Variants in ZNF521 observed in about 807,000 individuals in gnomAD.
ZNF521 encodes the protein zinc finger protein 521.
In ZNF521, 14 loss-of-function variants were observed where a neutral mutation model predicts 105.5. The observed-to-expected ratio is 0.13, with a 90% CI of 0.09 to 0.21. The LOEUF (loss-of-function observed/expected upper bound fraction) is 0.21. Ranked by LOEUF, ZNF521 falls within the 10% of genes least tolerant of loss-of-function variation. The pLI is 1.00. For missense variants in ZNF521, 1,233 were observed against 1,629.7 expected (o/e 0.76, Z 4.19); for synonymous variants, 635 against 606.0 (o/e 1.05, Z -0.70).
rs1905357726 is a variant in ZNF521, at chr18:25,216,846, A to T, written c.3573+7499T>A. Among the ~76,000 whole-genome samples the T allele has an allele frequency of 3.3e-5, 5 of 152,160 alleles. No homozygotes were observed. The South Asian group carries it at 1.0e-3, about 32-fold the overall frequency. ...GCTGGGATTATAGGCATGAGGCATC[A>T]TGCCCGGCCGAGTGAACAAATAATG... On this transcript the variant is annotated intron_variant, in intron 4 of 7. Transcript: ENST00000361524.
At chr18:25,268,909 G>C (rs1379956635) in intron 3 of ZNF521, among the ~76,000 whole-genome samples, 1 of 152,070 alleles carries the variant, frequency 6.6e-6, no homozygotes, top group Non-Finnish European at 1.5e-5. Context: ...ATAATGGCAG[G>C]ATCAAATTCA....
At chr18:25,332,456 G>C (rs927731802) in intron 2 of ZNF521, among the ~76,000 whole-genome samples, 2 of 151,520 alleles carry the variant, frequency 1.3e-5, no homozygotes, top group African/African-American at 4.8e-5. Context: ...TCCCCTAGTT[G>C]GTCTAATAAA....
At chr18:25,172,122 TAG>T (rs1382345040) in intron 5 of ZNF521, among the ~76,000 whole-genome samples, 1 of 152,122 alleles carries the variant, frequency 6.6e-6, no homozygotes, top group Non-Finnish European at 1.5e-5. Context: ...TGTTCAAATT[TAG>T]AGAGTGACAG....
At position 25,225,993 on chromosome 18, in the gene ZNF521, T is replaced by C; in HGVS notation, c.1925A>G (p.Lys642Arg). ...CTGAAAGCTGTCTAGGGATGTGTAC[T>C]TAGCACCACATTGATTACAGATATA... ...GEYICNQCGA[K>R]YTSLDSFQTH... is the part of the protein sequence containing the mutation. The change falls in exon 4 of 8, where the codon AAG (lysine) becomes AGG (arginine). Residue 642 changes from lysine (K) to arginine (R), a missense_variant. By Grantham distance (26) the Lys-to-Arg change is conservative. Transcript: ENST00000361524. This position sits in a 1 kb window ranked among gnomAD's most constrained non-coding sequence, Gnocchi z 5.6. The C allele has an allele frequency of 6.2e-7, 1 of 1,614,188 alleles. No homozygotes were observed. Among genetic ancestry groups the C allele is most frequent in the Non-Finnish European group, 8.5e-7 (1 of 1,180,022 alleles).
chr18:25,335,976 G>A (rs570741059), intron 2 of ZNF521, among the ~76,000 whole-genome samples: 1 of 152,252 alleles, frequency 6.6e-6, no homozygotes, highest in Admixed American at 6.5e-5. Context: ...ACAAGCAAGG[G>A]AAGTTAAGGG....
chr18:25,124,478 G>C (rs1158846136), intron 5 of ZNF521, among the ~76,000 whole-genome samples: 1 of 152,150 alleles, frequency 6.6e-6, no homozygotes, highest in African/African-American at 2.4e-5. Context: ...TTGAAGAATT[G>C]AGAGTGCCTT....
At chr18:25,088,219 CT>C (rs549305074) in intron 7 of ZNF521, among the ~76,000 whole-genome samples, 57 of 147,720 alleles carry the variant, frequency 3.9e-4, no homozygotes, top group Non-Finnish European at 4.1e-4. Context: ...CTTTTCTTTT[CT>C]TTTTTTTTTT....
chr18:25,100,732 A>G (rs1357254964), intron 5 of ZNF521, among the ~76,000 whole-genome samples: 1 of 152,188 alleles, frequency 6.6e-6, no homozygotes, highest in Non-Finnish European at 1.5e-5. Context: ...TTCTAAAAAC[A>G]GTTTATTGGA....
intron 3 of ZNF521, among the ~76,000 whole-genome samples, chr18:25,229,227 G>A (rs1906375025): frequency 6.6e-6 from 1 of 152,140 alleles, no homozygotes; most frequent in Non-Finnish European, 1.5e-5. Flanking sequence ...CTTATCCACA[G>A]GAAACAGATG....
chr18:25,340,773 G>C (rs1259929136), intron 2 of ZNF521, among the ~76,000 whole-genome samples: 1 of 152,108 alleles, frequency 6.6e-6, no homozygotes, highest in Non-Finnish European at 1.5e-5. Context: ...GACTCTCCTA[G>C]CCTAGGGACA....
At chr18:25,099,758 T>TA (rs897065393) in intron 5 of ZNF521, among the ~76,000 whole-genome samples, 2 of 152,184 alleles carry the variant, frequency 1.3e-5, no homozygotes, top group Non-Finnish European at 2.9e-5. Flanking sequence ...TGATATCAAA[T>TA]ACCTTCTATT....
chr18:25,079,941 G>A (rs1008943864), intron 7 of ZNF521, among the ~76,000 whole-genome samples: 1 of 152,232 alleles, frequency 6.6e-6, no homozygotes, highest in African/African-American at 2.4e-5. Context: ...CTTAGCAGAT[G>A]TGCCCAGTGG....
At chr18:25,349,047 T>C (rs1299134785) in intron 2 of ZNF521, among the ~76,000 whole-genome samples, 1 of 152,130 alleles carries the variant, frequency 6.6e-6, no homozygotes, top group Non-Finnish European at 1.5e-5. Context: ...TCGTGCAAAC[T>C]TTAATAAACT....
At chr18:25,316,638 A>C (rs1912635292) in intron 3 of ZNF521, among the ~76,000 whole-genome samples, 1 of 152,146 alleles carries the variant, frequency 6.6e-6, no homozygotes, top group African/African-American at 2.4e-5. Flanking sequence ...CAGGCAACTC[A>C]AGCTACACCA....
intron 3 of ZNF521, among the ~76,000 whole-genome samples, chr18:25,230,526 C>T (rs1378533389): frequency 2.0e-5 from 3 of 152,174 alleles, no homozygotes; most frequent in African/African-American, 7.2e-5. Context: ...TTTTGGCAGC[C>T]ACAGTGCAAA....
In ZNF521 at chr18:25,225,860, G is replaced by A. The variant is rs1906087972; in HGVS notation, c.2058C>T (p.His686=). Residue 686 remains histidine (H), a synonymous_variant, in exon 4 of 8, where the codon CAC becomes CAT. Transcript: ENST00000361524. This position sits in a 1 kb window ranked among gnomAD's most constrained non-coding sequence, Gnocchi z 5.6. ...QESLLKHVTI[H]FMITSTYYIC... is the part of the protein sequence containing the mutation. ...TGTAATACGTTGAAGTGATCATAAAGTGAATGGTAACATGCTTCAGCAAGG... is the reference window on the plus strand; with the variant it reads ...TGTAATACGTTGAAGTGATCATAAAATGAATGGTAACATGCTTCAGCAAGG... 6.2e-7 allele frequency: 1 copy of A among 1,614,224 alleles called. No homozygotes were observed. Among genetic ancestry groups the A allele is most frequent in the East Asian group, 2.2e-5 (1 of 44,880 alleles).
At chr18:25,296,833 A>C (rs1911344932) in intron 3 of ZNF521, among the ~76,000 whole-genome samples, 1 of 152,148 alleles carries the variant, frequency 6.6e-6, no homozygotes, top group Non-Finnish European at 1.5e-5. Flanking sequence ...CTTAATCATA[A>C]TCACTAGACA....
In ZNF521 at chr18:25,157,757, T is replaced by G. The variant is rs2035174224; in HGVS notation, c.3658+37403A>C. ...GCCTTGGGGAAGCTACTAAACCTTC[T>G]TTTTTTTTTTTGAGACGGAGTCTTG... On this transcript the variant is annotated intron_variant, in intron 5 of 7. Coordinates refer to ENST00000361524, the MANE Select transcript of ZNF521 (RefSeq NM_015461.3). 2.7e-5 allele frequency among the ~76,000 whole-genome samples: 4 copies of G among 145,866 alleles called. No homozygotes were observed. The Middle Eastern group carries it at 0.01, about 383-fold the overall frequency.
chr18:25,348,880 C>G (rs1186795652), intron 2 of ZNF521, among the ~76,000 whole-genome samples: 1 of 152,136 alleles, frequency 6.6e-6, no homozygotes, highest in African/African-American at 2.4e-5. Flanking sequence ...GACGGATTCC[C>G]TTTACTGCCC....
Sources: allele counts gnomAD v4.1 joint callset (sites outside exome capture counted in the v4.1 genomes callset), GRCh38; gene constraint gnomAD v4.1.1; non-coding constraint Gnocchi (gnomAD v3.1); transcripts MANE v1.5; gene names NCBI Gene and HGNC (gene_info 2026-07-23, HGNC 2026-07-21).